Variants in DIDO1 observed in about 807,000 individuals in gnomAD.
DIDO1 encodes the protein death-inducer obliterator 1.
DIDO1 carries 16 observed loss-of-function variants against 99.4 expected under a neutral mutation model. The ratio of observed to expected loss-of-function variants is 0.16; its 90% CI spans 0.11 to 0.24. The LOEUF is 0.24. DIDO1 is among the 10% of genes least tolerant of loss of function. DIDO1 has a pLI of 1.00. For missense variants in DIDO1, 2,996 were observed against 3,014.0 expected, an observed-to-expected ratio of 0.99 and a Z score of 0.14; for synonymous variants, 1,366 against 1,239.1, an observed-to-expected ratio of 1.10 and a Z score of -2.15.
chr20:62,880,931 C>G lies in DIDO1; in HGVS notation c.5025G>C (p.Gln1675His). 6.2e-7 allele frequency: 1 copy of G among 1,609,370 alleles called. No homozygotes were observed. Among genetic ancestry groups the G allele is most frequent in the Non-Finnish European group, 8.5e-7 (1 of 1,179,826 alleles). ...CGALQPGFPL[Q>H]HDGERDPFTC... ...TGAAAGGGTCCCTCTCACCGTCGTGCTGCAGCGGGAAGCCGGGCTGCAGGG... is the reference window on the plus strand; with the variant it reads ...TGAAAGGGTCCCTCTCACCGTCGTGGTGCAGCGGGAAGCCGGGCTGCAGGG... Residue 1675 changes from glutamine to histidine, a missense_variant, in exon 16 of 16, where the codon CAG (glutamine) becomes CAC (histidine). Gln to His is a conservative substitution (Grantham distance 24). Transcript: ENST00000395343.
chr20:62,914,935 C>A (rs752513518), intron 1 of DIDO1, among the ~76,000 whole-genome samples: 2 of 152,206 alleles, frequency 1.3e-5, no homozygotes, highest in Admixed American at 6.5e-5. Flanking sequence ...AAAATCAACA[C>A]GATACAGTTC....
At chr20:62,928,794 C>T (rs2065293610), upstream of DIDO1, 1 of 152,168 alleles carries the variant, frequency 6.6e-6, no homozygotes, top group Non-Finnish European at 1.5e-5. Flanking sequence ...GCCAAGAGCG[C>T]TCCAGCAGGA....
In DIDO1 at chr20:62,880,021, T is replaced by C. The variant is rs1182539639; in HGVS notation, c.5935A>G (p.Thr1979Ala). The change falls in exon 16 of 16, where the codon ACA becomes GCA. Residue 1979 changes from threonine to alanine, a missense_variant. Around this residue, in one of 5 missense-constraint regions of DIDO1, gnomAD observed 1,562 missense variants for 1,412.6 expected, o/e 1.11. Coordinates refer to ENST00000395343, the MANE Select transcript of DIDO1 (RefSeq NM_001193369.2). ...AGGGGTGCAGGCGCCCTTTGGTTTGTGAATCTTGGTGGTGAATGGACCCTC... is the reference window on the plus strand; with the variant it reads ...AGGGGTGCAGGCGCCCTTTGGTTTGCGAATCTTGGTGGTGAATGGACCCTC... Reference protein sequence around the residue: ...DQRVHSPPRFTNQRAPAPLQF... With the variant: ...DQRVHSPPRFANQRAPAPLQF... 1.9e-6 allele frequency: 3 copies of C among 1,611,464 alleles called. No homozygotes were observed. Among genetic ancestry groups the C allele is most frequent in the African/African-American group, 2.7e-5 (2 of 74,940 alleles).
chr20:62,899,751 A>G (rs1316577153), intron 6 of DIDO1, among the ~76,000 whole-genome samples: 1 of 152,224 alleles, frequency 6.6e-6, no homozygotes, highest in South Asian at 2.1e-4. Flanking sequence ...AGTGAACGGC[A>G]GAATGTTCCA....
Position 62,894,666 on chromosome 20 carries a change from C to T in DIDO1, c.2437-118G>A, listed in dbSNP as rs1387945857. Reference sequence around the variant, plus strand: ...GAGACCCACGGGGGAGAAAAAAGGACCATCTAATACAAGGACTGAGGAATG... The same window carrying T: ...GAGACCCACGGGGGAGAAAAAAGGATCATCTAATACAAGGACTGAGGAATG... On this transcript the variant is annotated intron_variant, in intron 10 of 15. Coordinates refer to ENST00000395343, the MANE Select transcript of DIDO1 (RefSeq NM_001193369.2). The surrounding 1 kb of genome is among the most constrained non-coding windows in gnomAD (Gnocchi z 4.4). 3.0e-5 allele frequency: 43 copies of T among 1,436,188 alleles called. No individual in the cohort carries two copies. The highest frequency in any genetic ancestry group is 4.0e-5 in the Non-Finnish European group (43 of 1,071,938). The allele number at this position is 1,436,188 out of a possible 1,614,324, so 89.0% of individuals were successfully genotyped here.
At position 62,881,432 on chromosome 20, in the gene DIDO1, C is replaced by A. The variant is rs928310860; in HGVS notation, c.4524G>T (p.Gly1508=). The A allele has an allele frequency of 1.9e-6, 3 of 1,608,576 alleles. No individual in the cohort carries two copies. The highest frequency in any genetic ancestry group is 2.5e-6 in the Non-Finnish European group (3 of 1,179,984). ...EALRQQRAAV[G]VSMAHFSVSD... ...ACACCGAGAAGTGGGCCATGGAGACCCCGACGGCGGCCCTCTGCTGCCTGA... is the reference window on the plus strand; with the variant it reads ...ACACCGAGAAGTGGGCCATGGAGACACCGACGGCGGCCCTCTGCTGCCTGA... The change falls in exon 16 of 16, where the codon GGG becomes GGT. Residue 1508 remains glycine, a synonymous_variant. Transcript: ENST00000395343. The surrounding 1 kb of genome is among the most constrained non-coding windows in gnomAD (Gnocchi z 8.3).
Position 62,896,717 on chromosome 20 carries a change from G to A in DIDO1, c.1868C>T (p.Ala623Val), listed in dbSNP as rs764225102. Residue 623 changes from alanine (A) to valine (V), a missense_variant, in exon 7 of 16, where the codon GCT becomes GTT. Physicochemically the swap from Ala to Val is moderately conservative, Grantham distance 64. Around this residue, in one of 5 missense-constraint regions of DIDO1, gnomAD observed 898 missense variants for 972.7 expected, o/e 0.92. Coordinates refer to ENST00000395343, the MANE Select transcript of DIDO1 (RefSeq NM_001193369.2). This position sits in a 1 kb window ranked among gnomAD's most constrained non-coding sequence, Gnocchi z 4.4. The stretch of plus-strand genomic sequence containing the variant: ...GGAGCCAGGGAACTTCTTGGAGGCA[G>A]CCGTTGCCGCTGCAGGTGCCGGTCC... ...QAGPAPAAATAASKKFPGSAA... is the reference protein window; with the variant it reads ...QAGPAPAAATVASKKFPGSAA... The A allele has an allele frequency of 6.2e-7, 1 of 1,613,756 alleles. No individual in the cohort carries two copies. The highest frequency in any genetic ancestry group is 8.5e-7 in the Non-Finnish European group (1 of 1,179,872).
At chr20:62,927,837 A>T (rs2065280141), upstream of DIDO1, among the ~76,000 whole-genome samples, 1 of 152,240 alleles carries the variant, frequency 6.6e-6, no homozygotes, top group South Asian at 2.1e-4. Flanking sequence ...TTAGGACCAC[A>T]TTAATAGAAT....
chr20:62,896,020 G>A lies in DIDO1; in HGVS notation c.2214+213C>T, dbSNP rs1283794566. Among the ~76,000 whole-genome samples, 1 of 152,148 alleles carries A rather than the reference G, an allele frequency of 6.6e-6. No homozygotes were observed. The highest frequency in any genetic ancestry group is 2.1e-4 in the South Asian group (1 of 4,820). On this transcript the variant is annotated intron_variant, in intron 8 of 15. Coordinates refer to ENST00000395343, the MANE Select transcript of DIDO1 (RefSeq NM_001193369.2). This position sits in a 1 kb window ranked among gnomAD's most constrained non-coding sequence, Gnocchi z 4.4. ...GTGGACTTCAGGGAAGCCAGGAAGCGGACGCGACCCTAGTTAAGGCAGGGA... is the reference window on the plus strand; with the variant it reads ...GTGGACTTCAGGGAAGCCAGGAAGCAGACGCGACCCTAGTTAAGGCAGGGA...
At chr20:62,882,476 T>A in intron 15 of DIDO1, 62 bp from the exon 16 acceptor site, 1 of 1,478,186 alleles carries the variant, frequency 6.8e-7, no homozygotes, top group Non-Finnish European at 9.2e-7. Flanking sequence ...CCTTTAGAGG[T>A]GAATTTCATT....
chr20:62,888,787 G>T (rs902078712), intron 15 of DIDO1: 13 of 985,488 alleles, frequency 1.3e-5, no homozygotes, highest in Non-Finnish European at 1.6e-5. Flanking sequence ...GTACCCGATG[G>T]CCTGGCCCGG....
In DIDO1 at chr20:62,881,154, A is replaced by T; in HGVS notation, c.4802T>A (p.Val1601Glu). 1 of 1,608,434 alleles carries T rather than the reference A, an allele frequency of 6.2e-7. No individual in the cohort carries two copies. Among genetic ancestry groups the T allele is most frequent in the East Asian group, 2.2e-5 (1 of 44,826 alleles). Residue 1601 changes from valine to glutamate, a missense_variant, in exon 16 of 16, where the codon GTG (valine) becomes GAG (glutamate). Val to Glu is a moderately radical substitution (Grantham distance 121). Transcript: ENST00000395343. This position sits in a 1 kb window ranked among gnomAD's most constrained non-coding sequence, Gnocchi z 8.3. ...CGGGACTGGCATGGGCGCCTGGCCC[A>T]CGAGGCCACCCCTGGAAGCATCTCT... is the stretch of plus-strand genomic sequence containing the variant. Reference protein sequence around the residue: ...PERDASRGGLVGQAPMPVPEE... With the variant: ...PERDASRGGLEGQAPMPVPEE...
Position 62,913,119 on chromosome 20 carries a change from A to G in DIDO1, c.-3+1091T>C, listed in dbSNP as rs548021154. On this transcript the variant is annotated intron_variant, in intron 2 of 15. Transcript: ENST00000395343. ...TTTTTGCTTCCCTCTAAATGCTGTC[A>G]CTTCTCATTTTCCTGTCCAGCTAAA... Among the ~76,000 whole-genome samples, 3 of 152,330 alleles carry G rather than the reference A, an allele frequency of 2.0e-5. No homozygotes were observed. The South Asian group carries it at 6.2e-4, about 32-fold the overall frequency.
At chr20:62,912,618 T>C (rs531762459) in intron 2 of DIDO1, among the ~76,000 whole-genome samples, 1 of 152,328 alleles carries the variant, frequency 6.6e-6, no homozygotes, top group African/African-American at 2.4e-5. Flanking sequence ...GTAGATACTT[T>C]GAGAATTCTT....
intron 1 of DIDO1, among the ~76,000 whole-genome samples, chr20:62,920,255 C>T (rs1462890501): frequency 6.6e-6 from 1 of 152,176 alleles, no homozygotes; most frequent in African/African-American, 2.4e-5. Context: ...GCTGCTTCCC[C>T]TCAAGGGCAT....
chr20:62,890,725 T>G (rs1398901046), intron 15 of DIDO1: 2 of 1,377,050 alleles, frequency 1.5e-6, no homozygotes, highest in African/African-American at 1.5e-5. Context: ...AGGCTGTGGG[T>G]TTTTCCCTCT....
At chr20:62,915,482 A>T (rs1294137020) in intron 1 of DIDO1, among the ~76,000 whole-genome samples, 1 of 152,158 alleles carries the variant, frequency 6.6e-6, no homozygotes. Context: ...CTGAGCATTT[A>T]ATTTATTTTA....
intron 1 of DIDO1, among the ~76,000 whole-genome samples, chr20:62,932,362 G>C (rs62200660): frequency 0.026 from 3,988 of 152,276 alleles, 59 homozygotes; most frequent in African/African-American, 0.033. Flanking sequence ...GATCACAACA[G>C]CTGCATGCAT....
chr20:62,930,326 C>T (rs956114637), upstream of DIDO1, among the ~76,000 whole-genome samples: 2 of 152,284 alleles, frequency 1.3e-5, no homozygotes, highest in Non-Finnish European at 1.5e-5. Flanking sequence ...AATTCACCCA[C>T]TCAATGAATT....
Sources: gnomAD v4.1 joint callset for allele counts (sites outside exome capture counted in the v4.1 genomes callset) on GRCh38, gnomAD v4.1.1 for gene constraint, gnomAD v4.1.1 regional missense constraint, Gnocchi (gnomAD v3.1) non-coding constraint, MANE v1.5 for transcripts, NCBI Gene and HGNC (gene_info 2026-07-23, HGNC 2026-07-21) for gene names.